Variants in SLCO1A2 observed in about 807,000 individuals in gnomAD.
SLCO1A2 encodes the protein OATP-1.
In SLCO1A2, 67 loss-of-function variants were observed where a neutral mutation model predicts 69.0. That is an observed-to-expected ratio of 0.97 (90% CI 0.80 to 1.19). The LOEUF (loss-of-function observed/expected upper bound fraction) is 1.19, where lower values mean the gene tolerates loss of function less well. Ranked by LOEUF, SLCO1A2 falls within the 50% of genes most tolerant of loss-of-function variation. The probability of loss-of-function intolerance (pLI) is 0.00; values close to 1 mark genes in which losing one functional copy is unlikely to be tolerated. For missense variants in SLCO1A2, 787 were observed against 793.7 expected (o/e 0.99, Z 0.10); for synonymous variants, 260 against 265.9 (o/e 0.98, Z 0.22).
At chr12:21,409,465 G>C (rs1941873012) in intron 1 of SLCO1A2, among the ~76,000 whole-genome samples, 1 of 152,222 alleles carries the variant, frequency 6.6e-6, no homozygotes, top group African/African-American at 2.4e-5. Flanking sequence ...ATACAAGGTA[G>C]ATTTGGATAT....
At chr12:21,288,769 A>C (rs1946367490) in intron 12 of SLCO1A2, among the ~76,000 whole-genome samples, 1 of 152,038 alleles carries the variant, frequency 6.6e-6, no homozygotes, top group Admixed American at 6.6e-5. Flanking sequence ...AGAATATCTC[A>C]CATAACCCAT....
At chr12:21,343,768 G>C (rs1953155190) in intron 2 of SLCO1A2, among the ~76,000 whole-genome samples, 1 of 152,022 alleles carries the variant, frequency 6.6e-6, no homozygotes, top group Non-Finnish European at 1.5e-5. Flanking sequence ...CACAGGAGAA[G>C]ACTCTCCCCT....
At chr12:21,340,213 A>T (rs897112192) in intron 2 of SLCO1A2, among the ~76,000 whole-genome samples, 13 of 152,078 alleles carry the variant, frequency 8.5e-5, no homozygotes, top group Admixed American at 7.9e-4. Context: ...ACCAACCTGC[A>T]TACATTAACT....
chr12:21,270,060 A>G (rs546522239), intron 14 of SLCO1A2, among the ~76,000 whole-genome samples: 2 of 151,956 alleles, frequency 1.3e-5, no homozygotes, highest in Admixed American at 1.3e-4. Flanking sequence ...CTTCACCTCA[A>G]AATGAATACT....
chr12:21,341,344 T>C (rs539964310), intron 2 of SLCO1A2, among the ~76,000 whole-genome samples: 116 of 152,204 alleles, frequency 7.6e-4, no homozygotes, highest in African/African-American at 2.7e-3. Context: ...TGGTTGATTT[T>C]ATTTTTCCTT....
In SLCO1A2 at chr12:21,294,057, T is replaced by TC; in HGVS notation, c.1324dup (p.Asp442GlyfsTer7). 1 of 1,609,856 alleles carries TC rather than the reference T, an allele frequency of 6.2e-7. No homozygotes were observed. Among genetic ancestry groups the TC allele is most frequent in the Non-Finnish European group, 8.5e-7 (1 of 1,178,268 alleles). ...CCATATTTTAGATGGACAGTTGCAA[T>TC]CCACATTGCAATCAGCAAAGATGTC... On this transcript the variant is annotated frameshift_variant, in exon 11 of 15. Transcript: ENST00000683939. LOFTEE classifies it high-confidence loss of function.
chr12:21,409,138 A>T (rs186805852), intron 1 of SLCO1A2, among the ~76,000 whole-genome samples: 1 of 152,118 alleles, frequency 6.6e-6, no homozygotes, highest in Non-Finnish European at 1.5e-5. Flanking sequence ...TCACTTGATG[A>T]TAATTCTGTT....
chr12:21,330,553 G>T (rs1269904232), intron 2 of SLCO1A2, among the ~76,000 whole-genome samples: 2 of 151,930 alleles, frequency 1.3e-5, no homozygotes, highest in Admixed American at 1.3e-4. Context: ...GCCAAACAAA[G>T]TTGAAGGAGA....
At chr12:21,308,480 T>C (rs1949707625) in intron 4 of SLCO1A2, among the ~76,000 whole-genome samples, 2 of 152,084 alleles carry the variant, frequency 1.3e-5, no homozygotes, top group African/African-American at 4.8e-5. Context: ...AACATTTTGG[T>C]TTAAAGTTTG....
At chr12:21,407,863 G>A (rs757268867) in intron 1 of SLCO1A2, among the ~76,000 whole-genome samples, 7 of 151,342 alleles carry the variant, frequency 4.6e-5, no homozygotes, top group Non-Finnish European at 1.0e-4. Context: ...GTGGAGACAG[G>A]ACTGGCCAGG....
chr12:21,343,993 T>C (rs1953165393), intron 2 of SLCO1A2, among the ~76,000 whole-genome samples: 1 of 152,136 alleles, frequency 6.6e-6, no homozygotes, highest in African/African-American at 2.4e-5. Context: ...GGGTCCAACA[T>C]ATTCCTTTTG....
intron 1 of SLCO1A2, among the ~76,000 whole-genome samples, chr12:21,380,767 T>C (rs1940533085): frequency 1.3e-5 from 2 of 152,174 alleles, no homozygotes; most frequent in Admixed American, 6.5e-5. Context: ...CATGAAATCA[T>C]AGGTACCCTT....
chr12:21,370,724 T>A (rs1346456331), intron 2 of SLCO1A2, among the ~76,000 whole-genome samples: 1 of 152,214 alleles, frequency 6.6e-6, no homozygotes, highest in East Asian at 1.9e-4. Flanking sequence ...CAAGTATTTT[T>A]GTCTAAATGA....
At chr12:21,380,146 T>C (rs2137120133) in intron 1 of SLCO1A2, among the ~76,000 whole-genome samples, 1 of 152,284 alleles carries the variant, frequency 6.6e-6, no homozygotes, top group African/African-American at 2.4e-5. Flanking sequence ...TATAAATAGG[T>C]ATAACAAAAT....
intron 2 of SLCO1A2, among the ~76,000 whole-genome samples, chr12:21,358,347 A>T (rs1313853631): frequency 6.6e-6 from 1 of 152,190 alleles, no homozygotes; most frequent in Non-Finnish European, 1.5e-5. Context: ...ATTGTTTGAT[A>T]CCAACCAGCA....
intron 2 of SLCO1A2, among the ~76,000 whole-genome samples, chr12:21,360,726 A>G (rs1938780975): frequency 6.6e-6 from 1 of 152,208 alleles, no homozygotes; most frequent in African/African-American, 2.4e-5. Flanking sequence ...CAAATGGCAC[A>G]CCAGGAGATT....
At chr12:21,319,033 A>G (rs1591837965) in intron 2 of SLCO1A2, 110 bp from the exon 3 acceptor site, 1 of 817,074 alleles carries the variant, frequency 1.2e-6, no homozygotes, top group African/African-American at 1.7e-5. Flanking sequence ...CAACTTAAGT[A>G]ACCTTTGAAT....
At chr12:21,356,339 G>A (rs535816377) in intron 2 of SLCO1A2, among the ~76,000 whole-genome samples, 12 of 151,996 alleles carry the variant, frequency 7.9e-5, no homozygotes, top group South Asian at 6.2e-4. Context: ...AAATATGCAG[G>A]CTTAATTTAC....
In SLCO1A2 at chr12:21,314,609, C is replaced by A. The variant is rs372493461; in HGVS notation, c.275G>T (p.Gly92Val). ...KLHRPIMIGIGCVVMGLGCFL... is the reference protein window; with the variant it reads ...KLHRPIMIGIVCVVMGLGCFL... ...ACAGCCTAAGCCCATAACCACACAT[C>A]CAATGCCAATCATTATAGGTCTATG... Residue 92 changes from glycine to valine, a missense_variant, in exon 4 of 15, where the codon GGA becomes GTA. Coordinates refer to ENST00000683939, the MANE Select transcript of SLCO1A2 (RefSeq NM_001386879.1). 243 of 1,613,748 alleles carry A rather than the reference C, an allele frequency of 1.5e-4. No homozygotes were observed. Among genetic ancestry groups the A allele is most frequent in the Non-Finnish European group, 2.0e-4 (235 of 1,179,792 alleles).
Sources: gnomAD v4.1 joint callset for allele counts (sites outside exome capture counted in the v4.1 genomes callset) on GRCh38, gnomAD v4.1.1 for gene constraint, MANE v1.5 for transcripts, NCBI Gene and HGNC (gene_info 2026-07-23, HGNC 2026-07-21) for gene names.